TMEM108: variants seen among roughly 807,000 people sequenced by gnomAD.
The protein encoded by TMEM108 is transmembrane protein 108, also known as cancer/testis antigen 124.
A neutral mutation model predicts 35.1 loss-of-function variants in TMEM108; 12 were observed. The ratio of observed to expected loss-of-function variants is 0.34; its 90% CI spans 0.22 to 0.55. TMEM108 has a LOEUF of 0.55. Among genes scored for constraint, TMEM108 ranks in the 20% least tolerant of loss-of-function variants. The pLI is 0.89. For synonymous variants in TMEM108, 287 were observed against 308.6 expected, an observed-to-expected ratio of 0.93 and a Z score of 0.73; for missense variants, 680 against 753.3, an observed-to-expected ratio of 0.90 and a Z score of 1.14.
intron 2 of TMEM108, among the ~76,000 whole-genome samples, chr3:133,205,186 G>A (rs1021901578): frequency 1.8e-4 from 26 of 140,914 alleles, no homozygotes; most frequent in Non-Finnish European, 3.4e-4. Flanking sequence ...CCTTTATTTT[G>A]AGCCTATGTG....
intron 3 of TMEM108, among the ~76,000 whole-genome samples, chr3:133,285,358 T>C (rs1160618855): frequency 6.6e-6 from 1 of 152,204 alleles, no homozygotes; most frequent in Non-Finnish European, 1.5e-5. Flanking sequence ...AAGTGGAAGA[T>C]AATTTATTTT....
At chr3:133,298,310 T>C (rs930513502) in intron 3 of TMEM108, among the ~76,000 whole-genome samples, 2 of 152,322 alleles carry the variant, frequency 1.3e-5, no homozygotes, top group South Asian at 4.1e-4. Flanking sequence ...AGAATGTTTC[T>C]TCCAGCGCCT....
chr3:133,151,960 A>G (rs1420827377), intron 2 of TMEM108, among the ~76,000 whole-genome samples: 3 of 152,186 alleles, frequency 2.0e-5, no homozygotes, highest in Non-Finnish European at 4.4e-5. Flanking sequence ...GTTGATGCCA[A>G]CCAGAGTAGA....
intron 2 of TMEM108, among the ~76,000 whole-genome samples, chr3:133,226,414 G>A (rs1336600262): frequency 1.3e-5 from 2 of 152,064 alleles, no homozygotes; most frequent in African/African-American, 4.8e-5. Context: ...TATATTTTTG[G>A]GTAAAATACT....
At chr3:133,089,513 CAT>C (rs1000070370) in intron 2 of TMEM108, among the ~76,000 whole-genome samples, 2 of 152,280 alleles carry the variant, frequency 1.3e-5, no homozygotes. Flanking sequence ...CTCATGGACT[CAT>C]GTGGTGCTCT....
At chr3:133,165,272 G>A (rs1389443796) in intron 2 of TMEM108, among the ~76,000 whole-genome samples, 4 of 152,172 alleles carry the variant, frequency 2.6e-5, no homozygotes, top group African/African-American at 7.2e-5. Flanking sequence ...CTTTGTGAAG[G>A]CTTATGTTCT....
chr3:133,328,096 C>CTT (rs774083797), intron 3 of TMEM108, among the ~76,000 whole-genome samples: 1 of 152,124 alleles, frequency 6.6e-6, no homozygotes, highest in Admixed American at 6.5e-5. Context: ...GTGTTGGAGT[C>CTT]TAAGAGTGCA....
intron 3 of TMEM108, among the ~76,000 whole-genome samples, chr3:133,349,040 A>AT (rs1028208744): frequency 2.6e-5 from 4 of 152,168 alleles, no homozygotes; most frequent in Non-Finnish European, 1.5e-5. Context: ...CTCACAATAG[A>AT]TTTTTAAAGA....
chr3:133,156,254 C>A (rs1944880399), intron 2 of TMEM108, among the ~76,000 whole-genome samples: 1 of 152,006 alleles, frequency 6.6e-6, no homozygotes, highest in African/African-American at 2.4e-5. Flanking sequence ...CAAATATTTG[C>A]CTTTTATGTC....
intron 2 of TMEM108, among the ~76,000 whole-genome samples, 156 bp from the exon 3 acceptor site, chr3:133,229,110 A>G (rs1239693154): frequency 6.6e-6 from 1 of 152,200 alleles, no homozygotes; most frequent in Non-Finnish European, 1.5e-5. Context: ...AACATACACC[A>G]TTGTAAATTA....
chr3:133,219,428 A>C (rs191766016), intron 2 of TMEM108, among the ~76,000 whole-genome samples: 22 of 148,532 alleles, frequency 1.5e-4, no homozygotes, highest in Non-Finnish European at 2.8e-4. Flanking sequence ...TTGTTGATGT[A>C]TGATGTTAGT....
intron 2 of TMEM108, among the ~76,000 whole-genome samples, chr3:133,099,761 T>C (rs1944063243): frequency 6.6e-6 from 1 of 152,238 alleles, no homozygotes; most frequent in Admixed American, 6.5e-5. Flanking sequence ...AACAAGTTCC[T>C]TGTCCTCATC....
intron 3 of TMEM108, among the ~76,000 whole-genome samples, chr3:133,328,102 G>A (rs1296427291): frequency 6.6e-6 from 1 of 152,146 alleles, no homozygotes; most frequent in East Asian, 1.9e-4. Flanking sequence ...GAGTCTAAGA[G>A]TGCAAGTCCA....
chr3:133,306,435 T>A (rs1056768445), intron 3 of TMEM108, among the ~76,000 whole-genome samples: 3 of 152,184 alleles, frequency 2.0e-5, no homozygotes, highest in Non-Finnish European at 2.9e-5. Flanking sequence ...GTTCCATAGG[T>A]ATACATGTGC....
chr3:133,225,159 GCCTCAGCCTC>G (rs969334906), intron 2 of TMEM108, among the ~76,000 whole-genome samples: 1 of 150,362 alleles, frequency 6.7e-6, no homozygotes, highest in Non-Finnish European at 1.5e-5. Flanking sequence ...CAATTCTCCT[GCCTCAGCCTC>G]CTGAGTAGCT....
At chr3:133,280,302 G>C (rs11921032) in intron 3 of TMEM108, among the ~76,000 whole-genome samples, 3,633 of 152,280 alleles carry the variant, frequency 0.024, 159 homozygotes, top group African/African-American at 0.082. Flanking sequence ...GTATGGTTTT[G>C]TGTAAAGAGA....
chr3:133,095,617 G>T (rs1031559362), intron 2 of TMEM108, among the ~76,000 whole-genome samples: 1 of 152,060 alleles, frequency 6.6e-6, no homozygotes, highest in Admixed American at 6.6e-5. Context: ...GGGAGACAGT[G>T]ACAGATCATC....
At chr3:133,123,423 A>G (rs1047299242) in intron 2 of TMEM108, among the ~76,000 whole-genome samples, 6 of 152,250 alleles carry the variant, frequency 3.9e-5, no homozygotes, top group African/African-American at 1.4e-4. Flanking sequence ...TTGTCCTCCA[A>G]AATGGCTGCC....
At chr3:133,235,686 G>A (rs985949438) in intron 3 of TMEM108, among the ~76,000 whole-genome samples, 3 of 152,190 alleles carry the variant, frequency 2.0e-5, no homozygotes, top group South Asian at 2.1e-4. Flanking sequence ...AAAACATAAG[G>A]ACAATCTAAC....
Sources: gnomAD v4.1 joint callset for allele counts (sites outside exome capture counted in the v4.1 genomes callset) on GRCh38, gnomAD v4.1.1 for gene constraint, MANE v1.5 for transcripts, NCBI Gene and HGNC (gene_info 2026-07-23, HGNC 2026-07-21) for gene names.